The following ZBTB32 variants were observed in gnomAD, a reference collection of about 807,000 sequenced individuals.
ZBTB32 encodes the protein zinc finger and BTB domain containing 32.
In ZBTB32, 28 loss-of-function variants were observed where a neutral mutation model predicts 45.3. The ratio of observed to expected loss-of-function variants is 0.62; its 90% CI spans 0.46 to 0.85. The LOEUF is 0.85. Among genes scored for constraint, ZBTB32 ranks in the 40% least tolerant of loss-of-function variants. ZBTB32 has a pLI of 0.00. For synonymous variants in ZBTB32, 283 were observed against 255.7 expected (o/e 1.11, Z -1.02); for missense variants, 587 against 624.4 (o/e 0.94, Z 0.64).
chr19:35,712,083 T>C (rs887081345), intron 1 of ZBTB32, among the ~76,000 whole-genome samples: 10 of 150,944 alleles, frequency 6.6e-5, no homozygotes, highest in African/African-American at 2.4e-4. Flanking sequence ...GACTGTGCCT[T>C]GTCACCAGAG....
intron 1 of ZBTB32, among the ~76,000 whole-genome samples, chr19:35,707,586 T>C (rs1371950450): frequency 6.6e-6 from 1 of 151,926 alleles, no homozygotes; most frequent in East Asian, 2.0e-4. Context: ...GCCAGGACGG[T>C]CTCTATCTCT....
rs1175714913 is a variant in ZBTB32, at chr19:35,717,019, T to C, written c.*267T>C. The C allele has an allele frequency of 7.9e-6, 4 of 509,446 alleles. No individual in the cohort carries two copies. Among genetic ancestry groups the C allele is most frequent in the Middle Eastern group, 5.2e-4 (1 of 1,936 alleles). 31.6% of individuals were successfully genotyped at this position (509,446 alleles called of 1,614,324 possible). On this transcript the variant is annotated 3_prime_UTR_variant, in exon 7 of 7. Transcript: ENST00000392197. ...TCGATCTCATCACCATAATAAAGAG[T>C]TTCCTGTGCCCTCCCTTCAGGACTA...
chr19:35,715,533 C>T (rs1968848755), intron 3 of ZBTB32, 26 bp downstream of exon 3: 1 of 1,515,734 alleles, frequency 6.6e-7, no homozygotes, highest in Non-Finnish European at 8.8e-7. Context: ...TAGTGCTCTG[C>T]CTCCAGGCTG....
In ZBTB32 at chr19:35,716,886, AG is replaced by A; in HGVS notation, c.*135del. On this transcript the variant is annotated 3_prime_UTR_variant, in exon 7 of 7. Coordinates refer to ENST00000392197, the MANE Select transcript of ZBTB32 (RefSeq NM_014383.3). ...CAGAAGCGCCCCAGGAAGGGCGCCG[AG>A]TGCCCTCTCCTGGACGATCGCGGGT... 6 of 1,050,734 alleles carry A rather than the reference AG, an allele frequency of 5.7e-6. No individual in the cohort carries two copies. The highest frequency in any genetic ancestry group is 8.1e-6 in the Non-Finnish European group (6 of 736,672). 65.1% of individuals were successfully genotyped at this position (1,050,734 alleles called of 1,614,324 possible).
intron 1 of ZBTB32, among the ~76,000 whole-genome samples, chr19:35,706,554 T>A (rs1968548861): frequency 6.6e-6 from 1 of 152,038 alleles, no homozygotes; most frequent in Non-Finnish European, 1.5e-5. Context: ...AAACCCCATC[T>A]CTACTAAAAA....
At chr19:35,707,508 T>A (rs1041898507) in intron 1 of ZBTB32, among the ~76,000 whole-genome samples, 12 of 151,830 alleles carry the variant, frequency 7.9e-5, no homozygotes, top group Admixed American at 7.2e-4. Flanking sequence ...TAGCTGGGAT[T>A]ACAGGCACGT....
intron 2 of ZBTB32, chr19:35,713,660 T>G (rs934773296): frequency 6.6e-6 from 1 of 152,318 alleles, no homozygotes; most frequent in African/African-American, 2.4e-5. Context: ...GTATCTGGGT[T>G]CCCAGCTCTC....
At chr19:35,706,111 C>T (rs1968533499) in intron 1 of ZBTB32, among the ~76,000 whole-genome samples, 1 of 151,488 alleles carries the variant, frequency 6.6e-6, no homozygotes, top group Non-Finnish European at 1.5e-5. Context: ...GCCTGTAATC[C>T]CAGCTACTAG....
intron 1 of ZBTB32, among the ~76,000 whole-genome samples, chr19:35,708,698 C>G (rs754208835): frequency 6.6e-6 from 1 of 152,126 alleles, no homozygotes; most frequent in Non-Finnish European, 1.5e-5. Context: ...GTTCTTGGAT[C>G]ATATAGAGCA....
At chr19:35,706,808 T>C (rs1257082375) in intron 1 of ZBTB32, among the ~76,000 whole-genome samples, 1 of 152,234 alleles carries the variant, frequency 6.6e-6, no homozygotes, top group African/African-American at 2.4e-5. Flanking sequence ...AGGGTGTTGA[T>C]ACCTAGTTTC....
intron 1 of ZBTB32, among the ~76,000 whole-genome samples, chr19:35,708,451 G>A (rs1167240270): frequency 6.6e-6 from 1 of 152,176 alleles, no homozygotes; most frequent in Non-Finnish European, 1.5e-5. Flanking sequence ...GGGACCCTTT[G>A]CCCAGGTTTA....
At chr19:35,712,024 CAAAAAAA>C (rs773746029) in intron 1 of ZBTB32, among the ~76,000 whole-genome samples, 12 of 54,828 alleles carry the variant, frequency 2.2e-4, no homozygotes, top group East Asian at 7.7e-4. Context: ...GACTGCGTCT[CAAAAAAA>C]AAAAAAAAAA....
In ZBTB32 at chr19:35,715,701, A is replaced by T. The variant is rs368956689; in HGVS notation, c.882-56A>T. 3.4e-5 allele frequency: 53 copies of T among 1,543,826 alleles called. No individual in the cohort carries two copies. In the Admixed American group the frequency reaches 1.0e-3, roughly 30 times the overall value. ...GACTTGGGATACCCCCTCTTCACGA[A>T]GGGGCCAGGCTCCCAGGTTTAGCCA... On this transcript the variant is annotated intron_variant, in intron 3 of 6. Transcript: ENST00000392197.
chr19:35,713,175 T>C (rs1216107307), intron 2 of ZBTB32, 142 bp downstream of exon 2: 1 of 152,208 alleles, frequency 6.6e-6, no homozygotes, highest in African/African-American at 2.4e-5. Flanking sequence ...CTGCCACAGA[T>C]ACACTTCTTT....
intron 1 of ZBTB32, among the ~76,000 whole-genome samples, chr19:35,709,416 A>G (rs943909943): frequency 1.3e-5 from 2 of 152,140 alleles, no homozygotes; most frequent in African/African-American, 4.8e-5. Flanking sequence ...GAGAATTGGT[A>G]TTTGTGTTGC....
chr19:35,709,321 TAGAG>T (rs775537422), intron 1 of ZBTB32, among the ~76,000 whole-genome samples: 4 of 152,146 alleles, frequency 2.6e-5, no homozygotes, highest in African/African-American at 9.7e-5. Context: ...ATAAGTGAAA[TAGAG>T]GGAGAACTTT....
intron 1 of ZBTB32, among the ~76,000 whole-genome samples, chr19:35,705,754 T>C (rs369004213): frequency 2.0e-5 from 3 of 150,604 alleles, no homozygotes; most frequent in Non-Finnish European, 4.4e-5. Flanking sequence ...CTACTAAAAA[T>C]ACAAAAATTA....
intron 1 of ZBTB32, among the ~76,000 whole-genome samples, chr19:35,710,846 G>C (rs1348477383): frequency 1.3e-5 from 2 of 152,186 alleles, no homozygotes; most frequent in African/African-American, 4.8e-5. Flanking sequence ...AGGATGGCTT[G>C]GGTTGCACTG....
chr19:35,708,357 G>A (rs1461014912), intron 1 of ZBTB32, among the ~76,000 whole-genome samples: 2 of 152,278 alleles, frequency 1.3e-5, no homozygotes, highest in Middle Eastern at 3.4e-3. Flanking sequence ...AAGTGAGGTG[G>A]GAGCTCACAG....
Sources: allele counts gnomAD v4.1 joint callset (sites outside exome capture counted in the v4.1 genomes callset), GRCh38; gene constraint gnomAD v4.1.1; transcripts MANE v1.5; gene names NCBI Gene and HGNC (gene_info 2026-07-23, HGNC 2026-07-21).